The following ADAM10 variants were observed in gnomAD, a reference collection of about 807,000 sequenced individuals.
ADAM10 encodes the protein ADAM metallopeptidase domain 10.
A neutral mutation model predicts 90.1 loss-of-function variants in ADAM10; 17 were observed. That is an observed-to-expected ratio of 0.19 (90% CI 0.13 to 0.28). The LOEUF (loss-of-function observed/expected upper bound fraction) is 0.28, where lower values mean the gene tolerates loss of function less well. ADAM10 is among the 10% of genes least tolerant of loss of function. The probability of loss-of-function intolerance (pLI) is 1.00; values close to 1 mark genes in which losing one functional copy is unlikely to be tolerated. For missense variants in ADAM10, 610 were observed against 914.3 expected (o/e 0.67, Z 4.29); for synonymous variants, 310 against 298.6 (o/e 1.04, Z -0.40).
rs1203969442 is a variant in ADAM10 at position 58,700,063 on chromosome 15, T to C, written c.206+17514A>G. Among the ~76,000 whole-genome samples, 4 of 152,048 alleles carry C rather than the reference T, an allele frequency of 2.6e-5. 1 individual carries two copies. Among genetic ancestry groups the C allele is most frequent in the African/African-American group, 4.8e-5 (2 of 41,410 alleles). On this transcript the variant is annotated intron_variant, in intron 2 of 15. Coordinates refer to ENST00000260408, the MANE Select transcript of ADAM10 (RefSeq NM_001110.4). ...GCAAGCAGGAGTAGCTAAATATATATGCACCCAACTACAGAGCACCCATTA... is the reference window on the plus strand; with the variant it reads ...GCAAGCAGGAGTAGCTAAATATATACGCACCCAACTACAGAGCACCCATTA...
chr15:58,675,692 T>C (rs1340768077), intron 4 of ADAM10, among the ~76,000 whole-genome samples: 1 of 152,230 alleles, frequency 6.6e-6, no homozygotes, highest in Non-Finnish European at 1.5e-5. Context: ...AATTATTAAG[T>C]ATTTTCAGTG....
In ADAM10 at chr15:58,593,244, A is replaced by T. The variant is rs1229401226; in HGVS notation, c.*4303T>A. 7.7e-6 allele frequency: 1 copy of T among 129,752 alleles called. No homozygotes were observed. The highest frequency in any genetic ancestry group is 1.5e-5 in the Non-Finnish European group (1 of 64,678). 8.0% of individuals were successfully genotyped at this position (129,752 alleles called of 1,614,324 possible). On this transcript the variant is annotated 3_prime_UTR_variant, in exon 16 of 16. Transcript: ENST00000260408. ...ACCCAGGCTGGAGTGCAATGGCGCA[A>T]TCGCGGCTCACTGCAGCCTCTGCCT...
intron 1 of ADAM10, among the ~76,000 whole-genome samples, chr15:58,731,158 T>C (rs923331821): frequency 2.0e-5 from 3 of 152,128 alleles, no homozygotes; most frequent in Non-Finnish European, 4.4e-5. Flanking sequence ...TCTGCATTAG[T>C]GGAATTCAAC....
At chr15:58,600,444 G>A (rs186220871) in intron 14 of ADAM10, among the ~76,000 whole-genome samples, 11 of 151,972 alleles carry the variant, frequency 7.2e-5, no homozygotes, top group South Asian at 2.1e-4. Context: ...TTTGAGACTC[G>A]GACTAGTTAT....
At chr15:58,702,462 A>C (rs1898162689) in intron 2 of ADAM10, among the ~76,000 whole-genome samples, 1 of 152,226 alleles carries the variant, frequency 6.6e-6, no homozygotes, top group Admixed American at 6.5e-5. Flanking sequence ...GAGGACTTGA[A>C]ATGTTCCCAA....
At chr15:58,600,781 T>C (rs574017246) in intron 14 of ADAM10, among the ~76,000 whole-genome samples, 2 of 152,316 alleles carry the variant, frequency 1.3e-5, no homozygotes, top group South Asian at 2.1e-4. Flanking sequence ...ATAAACATCA[T>C]ACAAAATATT....
chr15:58,678,199 T>C (rs1216219426), intron 4 of ADAM10, among the ~76,000 whole-genome samples: 1 of 152,168 alleles, frequency 6.6e-6, no homozygotes, highest in Non-Finnish European at 1.5e-5. Context: ...AGTATACATA[T>C]GTTATTTTCT....
rs367716681 is a variant in ADAM10, at chr15:58,711,535, C to T, written c.206+6042G>A. Among the ~76,000 whole-genome samples, 68 of 152,282 alleles carry T rather than the reference C, an allele frequency of 4.5e-4. No individual in the cohort carries two copies. In the South Asian group the frequency reaches 0.014, roughly 31 times the overall value. On this transcript the variant is annotated intron_variant, in intron 2 of 15. Transcript: ENST00000260408. ...CCTTTCTCCATCCAGTTTATGACTA[C>T]TCCAATACATATATAAAATCACAAA... is the stretch of plus-strand genomic sequence containing the variant.
Position 58,593,052 on chromosome 15 carries a change from CAATGTACCATTA to C in ADAM10, c.*4483_*4494del, listed in dbSNP as rs1290010665. 7.0e-6 allele frequency: 1 copy of C among 143,362 alleles called. No individual in the cohort carries two copies. The highest frequency in any genetic ancestry group is 3.8e-3 in the Middle Eastern group (1 of 260). The allele number at this position is 143,362 out of a possible 1,614,324, so 8.9% of individuals were successfully genotyped here. Reference sequence around the variant, plus strand: ...GAGTAGTTAATGTGATATACATTATCAATGTACCATTAAATGAGAAAGGTGGGTTACAAAAGT... The same window carrying C: ...GAGTAGTTAATGTGATATACATTATCAATGAGAAAGGTGGGTTACAAAAGT... On this transcript the variant is annotated 3_prime_UTR_variant, in exon 16 of 16. Transcript: ENST00000260408.
At chr15:58,653,697 CT>C (rs1566981429) in intron 5 of ADAM10, among the ~76,000 whole-genome samples, 2 of 151,876 alleles carry the variant, frequency 1.3e-5, no homozygotes, top group Non-Finnish European at 2.9e-5. Flanking sequence ...CCTTTATCTG[CT>C]TTTGGTATCA....
chr15:58,741,464 T>C (rs1241491012), intron 1 of ADAM10, among the ~76,000 whole-genome samples: 3 of 152,338 alleles, frequency 2.0e-5, no homozygotes. Context: ...CAAAGTTTTA[T>C]CCAGTTCCCA....
rs150265519 is a variant in ADAM10 at position 58,607,363 on chromosome 15, T to C, written c.2025+2934A>G. ...ATGACATCTAAGGATATTTAGGACT[T>C]AGTCTTTTCATCATAAAAGTTTCTA... On this transcript the variant is annotated intron_variant, in intron 14 of 15. Coordinates refer to ENST00000260408, the MANE Select transcript of ADAM10 (RefSeq NM_001110.4). Among the ~76,000 whole-genome samples, 6 of 152,366 alleles carry C rather than the reference T, an allele frequency of 3.9e-5. No homozygotes were observed. The East Asian group carries it at 9.6e-4, about 24-fold the overall frequency.
intron 1 of ADAM10, among the ~76,000 whole-genome samples, chr15:58,728,382 TA>T (rs1899111982): frequency 1.3e-5 from 2 of 152,176 alleles, no homozygotes; most frequent in South Asian, 2.1e-4. Context: ...TTCGTACACT[TA>T]AAAAATTGTT....
chr15:58,660,989 G>A (rs944360977), intron 5 of ADAM10, among the ~76,000 whole-genome samples: 16 of 152,358 alleles, frequency 1.1e-4, no homozygotes, highest in East Asian at 3.9e-4. Context: ...GTAGTTTGCT[G>A]ACCCCGGCTC....
At chr15:58,693,931 T>C (rs758967532) in intron 2 of ADAM10, among the ~76,000 whole-genome samples, 2 of 152,156 alleles carry the variant, frequency 1.3e-5, no homozygotes, top group Non-Finnish European at 2.9e-5. Context: ...ACAAAGAAGA[T>C]ACACAGGTGG....
chr15:58,590,747 A>G lies in ADAM10; in HGVS notation c.*6800T>C, dbSNP rs1299068591. On this transcript the variant is annotated 3_prime_UTR_variant, in exon 16 of 16. Coordinates refer to ENST00000260408, the MANE Select transcript of ADAM10 (RefSeq NM_001110.4). ...ACCCAAAGGGCAAGGGAAGAAAACG[A>G]TAATAAAATATTCATTTAAAATAAA... The G allele has an allele frequency of 1.3e-5, 2 of 152,232 alleles. No individual in the cohort carries two copies. Among genetic ancestry groups the G allele is most frequent in the Non-Finnish European group, 2.9e-5 (2 of 68,040 alleles). The allele number at this position is 152,232 out of a possible 1,614,324, so 9.4% of individuals were successfully genotyped here.
chr15:58,658,336 A>C (rs577959827), intron 5 of ADAM10, among the ~76,000 whole-genome samples: 5 of 152,150 alleles, frequency 3.3e-5, no homozygotes, highest in African/African-American at 4.8e-5. Flanking sequence ...TGGACTCTCT[A>C]TGTTGCTACA....
intron 11 of ADAM10, among the ~76,000 whole-genome samples, chr15:58,617,136 T>A (rs1200259450): frequency 6.6e-6 from 1 of 151,454 alleles, no homozygotes; most frequent in Non-Finnish European, 1.5e-5. Context: ...AAAAATAAAA[T>A]AAAAATATAT....
chr15:58,612,707 G>T (rs1260137667), intron 11 of ADAM10, among the ~76,000 whole-genome samples: 1 of 152,104 alleles, frequency 6.6e-6, no homozygotes, highest in South Asian at 2.1e-4. Flanking sequence ...CATGCACTGT[G>T]CTCTGGGCTC....
Sources: gnomAD v4.1 joint callset for allele counts (sites outside exome capture counted in the v4.1 genomes callset) on GRCh38, gnomAD v4.1.1 for gene constraint, MANE v1.5 for transcripts, NCBI Gene and HGNC (gene_info 2026-07-23, HGNC 2026-07-21) for gene names.